The following FNDC3B variants were observed in gnomAD, a reference collection of about 807,000 sequenced individuals.
FNDC3B encodes fibronectin type III domain containing 3B, also known as fibronectin type III domain-containing protein 3B.
FNDC3B carries 12 observed loss-of-function variants against 151.5 expected under a neutral mutation model. That is an observed-to-expected ratio of 0.08 (90% CI 0.05 to 0.13). The LOEUF is 0.13. FNDC3B is among the 10% of genes least tolerant of loss of function. The pLI is 1.00. For synonymous variants in FNDC3B, 528 were observed against 549.0 expected (o/e 0.96, Z 0.54); for missense variants, 1,214 against 1,505.3 (o/e 0.81, Z 3.20).
intron 1 of FNDC3B, among the ~76,000 whole-genome samples, chr3:172,078,819 G>A (rs1365787832): frequency 6.6e-6 from 1 of 152,080 alleles, no homozygotes. Flanking sequence ...AAATGAGAGG[G>A]GCAATTCAGG....
At position 172,142,282 on chromosome 3, in the gene FNDC3B, T is replaced by G. The variant is rs138388319; in HGVS notation, c.187+8736T>G. 3.4e-3 allele frequency among the ~76,000 whole-genome samples: 518 copies of G among 152,312 alleles called. 4 individuals are homozygous for G. The highest frequency in any genetic ancestry group is 0.012 in the African/African-American group (492 of 41,564). On this transcript the variant is annotated intron_variant, in intron 3 of 25. Transcript: ENST00000415807. ...TCAGAAAGCCTATGCGAACTGGAGT[T>G]ATTAGGATTTTTTAGATGTCTTCAC...
chr3:172,223,742 T>C (rs1726407790), intron 3 of FNDC3B, among the ~76,000 whole-genome samples: 2 of 152,176 alleles, frequency 1.3e-5, no homozygotes, highest in Non-Finnish European at 2.9e-5. Flanking sequence ...TTATGTTGCA[T>C]GGGTGTGGAA....
intron 3 of FNDC3B, among the ~76,000 whole-genome samples, chr3:172,221,112 A>G (rs1200732440): frequency 1.3e-5 from 2 of 152,076 alleles, no homozygotes; most frequent in African/African-American, 4.8e-5. Context: ...TAGAAACACA[A>G]TTGGCTTTTT....
At chr3:172,182,022 A>G (rs1411474990) in intron 3 of FNDC3B, among the ~76,000 whole-genome samples, 1 of 152,092 alleles carries the variant, frequency 6.6e-6, no homozygotes, top group Non-Finnish European at 1.5e-5. Context: ...GCATCTTGGG[A>G]TGCTGCACTG....
intron 8 of FNDC3B, among the ~76,000 whole-genome samples, chr3:172,297,182 C>T (rs933810010): frequency 6.6e-6 from 1 of 152,110 alleles, no homozygotes; most frequent in South Asian, 2.1e-4. Flanking sequence ...AATTATTATA[C>T]AAACTTCCCT....
At chr3:172,115,122 T>C (rs1310418059) in intron 2 of FNDC3B, among the ~76,000 whole-genome samples, 1 of 152,342 alleles carries the variant, frequency 6.6e-6, no homozygotes, top group South Asian at 2.1e-4. Flanking sequence ...GCCTCTGTGC[T>C]TGACATTTTT....
intron 6 of FNDC3B, among the ~76,000 whole-genome samples, chr3:172,254,758 G>A (rs1291258036): frequency 6.6e-6 from 1 of 152,128 alleles, no homozygotes; most frequent in Non-Finnish European, 1.5e-5. Flanking sequence ...TGAGAAATAT[G>A]GGATCTCTGT....
At chr3:172,317,811 G>C (rs1439044715) in intron 11 of FNDC3B, among the ~76,000 whole-genome samples, 1 of 152,202 alleles carries the variant, frequency 6.6e-6, no homozygotes, top group African/African-American at 2.4e-5. Flanking sequence ...AGAGCCCTGA[G>C]GTTTATGTCA....
chr3:172,064,515 G>T (rs1202374538), intron 1 of FNDC3B, among the ~76,000 whole-genome samples: 1 of 152,062 alleles, frequency 6.6e-6, no homozygotes, highest in Admixed American at 6.5e-5. Flanking sequence ...TGTAAGAAAC[G>T]GTTGGCTAAC....
chr3:172,198,696 A>G (rs181009644), intron 3 of FNDC3B, among the ~76,000 whole-genome samples: 1 of 152,224 alleles, frequency 6.6e-6, no homozygotes, highest in Admixed American at 6.5e-5. Context: ...TGGATACTCC[A>G]TGTTGCGCTG....
intron 3 of FNDC3B, among the ~76,000 whole-genome samples, chr3:172,151,799 T>C (rs1408410357): frequency 6.6e-6 from 1 of 152,226 alleles, no homozygotes; most frequent in Non-Finnish European, 1.5e-5. Flanking sequence ...TTGCGTTGTT[T>C]CCTTCGATGT....
intron 3 of FNDC3B, among the ~76,000 whole-genome samples, chr3:172,144,872 C>G (rs1218907782): frequency 1.3e-5 from 2 of 152,034 alleles, no homozygotes; most frequent in Non-Finnish European, 2.9e-5. Flanking sequence ...TGGATCCAAT[C>G]TAAATACGGA....
chr3:172,200,164 C>T (rs797015519), intron 3 of FNDC3B, among the ~76,000 whole-genome samples: 1 of 152,194 alleles, frequency 6.6e-6, no homozygotes, highest in African/African-American at 2.4e-5. Context: ...TACCCACACT[C>T]ACTTAGACTG....
intron 3 of FNDC3B, among the ~76,000 whole-genome samples, chr3:172,166,017 T>C (rs1722983726): frequency 6.6e-6 from 1 of 152,208 alleles, no homozygotes; most frequent in South Asian, 2.1e-4. Context: ...AGCTAATCTT[T>C]TATGCATGAA....
chr3:172,292,073 C>A (rs1165351788), intron 7 of FNDC3B, among the ~76,000 whole-genome samples: 1 of 152,180 alleles, frequency 6.6e-6, no homozygotes. Flanking sequence ...TAAGTGGAAA[C>A]AAGTTCCAAG....
At chr3:172,108,521 A>T (rs1719792386) in intron 1 of FNDC3B, among the ~76,000 whole-genome samples, 1 of 152,178 alleles carries the variant, frequency 6.6e-6, no homozygotes, top group Non-Finnish European at 1.5e-5. Context: ...GAGTTGAGCC[A>T]CCCTGTTGAG....
chr3:172,167,631 C>G (rs1723071175), intron 3 of FNDC3B, among the ~76,000 whole-genome samples: 1 of 152,166 alleles, frequency 6.6e-6, no homozygotes, highest in Admixed American at 6.5e-5. Context: ...AGACCGGGGT[C>G]CCCAAGCCCT....
intron 3 of FNDC3B, among the ~76,000 whole-genome samples, chr3:172,166,685 T>C (rs766277510): frequency 1.5e-4 from 23 of 151,894 alleles, no homozygotes; most frequent in Admixed American, 4.6e-4. Context: ...AACCCAGGAG[T>C]TTGAGGCTGC....
intron 3 of FNDC3B, among the ~76,000 whole-genome samples, chr3:172,213,300 C>T (rs763789517): frequency 6.6e-6 from 1 of 152,138 alleles, no homozygotes; most frequent in Non-Finnish European, 1.5e-5. Context: ...AGTATGAGGC[C>T]AAAGGTGCGT....
Sources: allele counts gnomAD v4.1 joint callset (sites outside exome capture counted in the v4.1 genomes callset), GRCh38; gene constraint gnomAD v4.1.1; transcripts MANE v1.5; gene names NCBI Gene and HGNC (gene_info 2026-07-23, HGNC 2026-07-21).